PDXDC1: variants seen among roughly 807,000 people sequenced by gnomAD.
PDXDC1 encodes the protein pyridoxal-dependent decarboxylase domain-containing protein 1.
PDXDC1 carries 42 observed loss-of-function variants against 100.1 expected under a neutral mutation model. That is an observed-to-expected ratio of 0.42 (90% CI 0.33 to 0.54). The LOEUF (loss-of-function observed/expected upper bound fraction) is 0.54. Ranked by LOEUF, PDXDC1 falls within the 20% of genes least tolerant of loss-of-function variation. PDXDC1 has a pLI of 0.10. For missense variants in PDXDC1, 636 were observed against 979.2 expected (o/e 0.65, Z 4.68); for synonymous variants, 260 against 371.7 (o/e 0.70, Z 3.46).
At chr16:15,016,868 TGAAA>T (rs1322501295) in intron 9 of PDXDC1, among the ~76,000 whole-genome samples, 1 of 152,292 alleles carries the variant, frequency 6.6e-6, no homozygotes, top group Non-Finnish European at 1.5e-5. Flanking sequence ...ATAAGATCCA[TGAAA>T]GAGAAGAATA....
chr16:15,119,396 T>TA (rs1330403453), intron 16 of PDXDC1, among the ~76,000 whole-genome samples: 66 of 140,824 alleles, frequency 4.7e-4, no homozygotes, highest in East Asian at 4.1e-3. Context: ...GCTGATGATC[T>TA]AAAAAAAAAA....
intron 1 of PDXDC1, among the ~76,000 whole-genome samples, chr16:14,990,579 C>G (rs1187979284): frequency 6.6e-6 from 1 of 152,248 alleles, no homozygotes; most frequent in Admixed American, 6.5e-5. Context: ...CTGGATAATA[C>G]TTTATATTTT....
chr16:14,996,544 T>G (rs1972016429), intron 1 of PDXDC1, among the ~76,000 whole-genome samples: 1 of 152,256 alleles, frequency 6.6e-6, no homozygotes, highest in Admixed American at 6.5e-5. Flanking sequence ...AGATTAAGAA[T>G]AGAGAAAGGA....
At chr16:15,028,368 A>G (rs1413167730) in intron 14 of PDXDC1, among the ~76,000 whole-genome samples, 5 of 152,272 alleles carry the variant, frequency 3.3e-5, no homozygotes, top group East Asian at 1.9e-4. Context: ...ATCATTTTCT[A>G]TCAGAGCCCC....
intron 16 of PDXDC1, among the ~76,000 whole-genome samples, chr16:15,043,707 T>C (rs779712883): frequency 2.0e-5 from 3 of 152,178 alleles, no homozygotes; most frequent in Non-Finnish European, 4.4e-5. Flanking sequence ...CCCAGCACTT[T>C]AAGAGGCCGA....
intron 16 of PDXDC1, chr16:15,127,078 A>T (rs1232815521): frequency 2.8e-6 from 1 of 353,960 alleles, no homozygotes. Flanking sequence ...GTGAGCCACC[A>T]CACCCGGCCC....
intron 5 of PDXDC1, among the ~76,000 whole-genome samples, chr16:15,005,295 A>T (rs1394605430): frequency 7.1e-6 from 1 of 140,850 alleles, no homozygotes; most frequent in Non-Finnish European, 1.5e-5. Context: ...ACAGAGTGAG[A>T]CTCTGTCTCA....
At chr16:15,057,619 A>G (rs1315640666) in intron 16 of PDXDC1, among the ~76,000 whole-genome samples, 1 of 152,242 alleles carries the variant, frequency 6.6e-6, no homozygotes, top group Non-Finnish European at 1.5e-5. Context: ...GTTTGAAACC[A>G]GGGTGATCAA....
At chr16:15,136,174 C>G in intron 16 of PDXDC1, 1 of 900,990 alleles carries the variant, frequency 1.1e-6, no homozygotes, top group East Asian at 2.6e-5. Context: ...GGGCACTCCT[C>G]CATCCTCCCA....
At chr16:15,058,949 A>G (rs949075966) in intron 16 of PDXDC1, among the ~76,000 whole-genome samples, 3 of 152,186 alleles carry the variant, frequency 2.0e-5, no homozygotes, top group Admixed American at 6.5e-5. Context: ...TATTAGATAC[A>G]TTATAAATCC....
At chr16:14,977,269 CTTTTTTTTTTTTT>C (rs5816116) in intron 1 of PDXDC1, among the ~76,000 whole-genome samples, 2 of 95,056 alleles carry the variant, frequency 2.1e-5, no homozygotes, top group South Asian at 4.3e-4. Context: ...ATGGGACTTA[CTTTTTTTTTTTTT>C]TTTTTTTTTT....
intron 16 of PDXDC1, chr16:15,061,556 G>C: frequency 2.1e-6 from 1 of 484,030 alleles, no homozygotes; most frequent in Non-Finnish European, 3.7e-6. Context: ...GTCTGTAAGG[G>C]GAACAACAAC....
chr16:15,135,213 A>G (rs910740070), intron 16 of PDXDC1: 14 of 777,446 alleles, frequency 1.8e-5, no homozygotes, highest in Middle Eastern at 7.0e-4. Context: ...TAAAACACGG[A>G]AAACAGTAGA....
chr16:15,068,331 G>T (rs2045068326), intron 16 of PDXDC1: 2 of 1,521,462 alleles, frequency 1.3e-6, no homozygotes, highest in South Asian at 2.5e-5. Flanking sequence ...AGTGAAAAGT[G>T]TAAGATACTT....
At chr16:15,074,283 G>A (rs1003370075) in intron 16 of PDXDC1, among the ~76,000 whole-genome samples, 16 of 152,032 alleles carry the variant, frequency 1.1e-4, no homozygotes, top group African/African-American at 2.4e-4. Flanking sequence ...TTCTGTTTTC[G>A]CCTGGCAAAG....
At chr16:15,013,035 T>A (rs745336563) in intron 8 of PDXDC1, among the ~76,000 whole-genome samples, 3 of 152,224 alleles carry the variant, frequency 2.0e-5, no homozygotes, top group Non-Finnish European at 4.4e-5. Context: ...CTGGGTGTGG[T>A]GGTGGGCACC....
At chr16:15,106,607 T>A (rs1406692326) in intron 16 of PDXDC1, among the ~76,000 whole-genome samples, 2 of 149,138 alleles carry the variant, frequency 1.3e-5, no homozygotes, top group Non-Finnish European at 1.5e-5. Flanking sequence ...TACAAAAAAT[T>A]AGGCGGGCGT....
intron 16 of PDXDC1, among the ~76,000 whole-genome samples, chr16:15,095,754 G>C (rs781682159): frequency 2.0e-5 from 3 of 151,946 alleles, no homozygotes; most frequent in Non-Finnish European, 4.4e-5. Flanking sequence ...GGAGGCCGAG[G>C]CAGGAGAATA....
intron 16 of PDXDC1, chr16:15,063,160 G>A (rs754996175): frequency 2.9e-6 from 4 of 1,398,832 alleles, no homozygotes; most frequent in Non-Finnish European, 4.1e-6. Flanking sequence ...CCAGAAAGGA[G>A]ATTCCGAGAG....
Sources: allele counts gnomAD v4.1 joint callset (sites outside exome capture counted in the v4.1 genomes callset), GRCh38; gene constraint gnomAD v4.1.1; transcripts MANE v1.5; gene names NCBI Gene and HGNC (gene_info 2026-07-23, HGNC 2026-07-21).